The following SCARF1 variants were observed in gnomAD, a reference collection of about 807,000 sequenced individuals.
SCARF1 encodes acetyl LDL receptor.
Under a neutral mutation model 76.3 loss-of-function variants are expected in SCARF1, and 49 were observed. The ratio of observed to expected loss-of-function variants is 0.64; its 90% CI spans 0.51 to 0.81. SCARF1 has a LOEUF of 0.81. Ranked by LOEUF, SCARF1 falls within the 40% of genes least tolerant of loss-of-function variation. SCARF1 has a pLI of 0.00. For synonymous variants in SCARF1, 495 were observed against 474.6 expected (o/e 1.04, Z -0.56); for missense variants, 1,098 against 1,143.9 (o/e 0.96, Z 0.58).
chr17:1,635,420 T>C lies in SCARF1; in HGVS notation c.1831A>G (p.Ser611Gly). 4.3e-6 allele frequency: 7 copies of C among 1,613,968 alleles called. No homozygotes were observed. Among genetic ancestry groups the C allele is most frequent in the Non-Finnish European group, 5.9e-6 (7 of 1,179,936 alleles). Residue 611 changes from serine to glycine, a missense_variant, in exon 11 of 11, where the codon AGC (serine) becomes GGC (glycine). Ser to Gly is a moderately conservative substitution (Grantham distance 56, BLOSUM62 0). Coordinates refer to ENST00000263071, the MANE Select transcript of SCARF1 (RefSeq NM_003693.4). Reference sequence around the variant, plus strand: ...AGCCTCTTGGGCTTTCGGAGCGGGCTGGAGAGCTCCCCTGAGCTTCGGCGA... The same window carrying C: ...AGCCTCTTGGGCTTTCGGAGCGGGCCGGAGAGCTCCCCTGAGCTTCGGCGA... ...QSRRSSGELS[S>G]PLRKPKRLSR...
rs1910341482 is a variant in SCARF1, at chr17:1,644,320, G to A, written c.266-353C>T. On this transcript the variant is annotated intron_variant, in intron 3 of 10. Coordinates refer to ENST00000263071, the MANE Select transcript of SCARF1 (RefSeq NM_003693.4). The surrounding 1 kb of genome is among the most constrained non-coding windows in gnomAD (Gnocchi z 4.8). ...GATGGATCTCTGCTGGGCTGGAGGA[G>A]AGCTGGCTTTCTCCTGATCTCAGGC... 1 of 297,070 alleles carries A rather than the reference G, an allele frequency of 3.4e-6. No individual in the cohort carries two copies. Among genetic ancestry groups the A allele is most frequent in the Non-Finnish European group, 6.2e-6 (1 of 160,580 alleles). The allele number at this position is 297,070 out of a possible 1,614,324, so 18.4% of individuals were successfully genotyped here.
rs1405829937 is a variant in SCARF1, at chr17:1,635,592, C to A, written c.1659G>T (p.Gly553=). Residue 553 remains glycine (G), a synonymous_variant, in exon 11 of 11, where the codon GGG becomes GGT. Transcript: ENST00000263071. ...QEGMVPVAQA[G]SSEASLAAGA... ...CTGCAGCCAGGCTGGCCTCTGACGACCCTGCCTGGGCCACAGGGACCATCC... is the reference window on the plus strand; with the variant it reads ...CTGCAGCCAGGCTGGCCTCTGACGAACCTGCCTGGGCCACAGGGACCATCC... 1 of 1,604,104 alleles carries A rather than the reference C, an allele frequency of 6.2e-7. No homozygotes were observed. The highest frequency in any genetic ancestry group is 8.5e-7 in the Non-Finnish European group (1 of 1,179,774).
At position 1,633,975 on chromosome 17, in the gene SCARF1, T is replaced by C. The variant is rs1478658944; in HGVS notation, c.*783A>G. 5.3e-5 allele frequency: 8 copies of C among 152,204 alleles called. No homozygotes were observed. Among genetic ancestry groups the C allele is most frequent in the African/African-American group, 1.9e-4 (8 of 41,444 alleles). The allele number at this position is 152,204 out of a possible 1,614,324, so 9.4% of individuals were successfully genotyped here. On this transcript the variant is annotated 3_prime_UTR_variant, in exon 11 of 11. Coordinates refer to ENST00000263071, the MANE Select transcript of SCARF1 (RefSeq NM_003693.4). ...AAAAAGAATGTTCACTGTAGAAAATTTGCAAACTATACAAAAGTTTCAGAA... is the reference window on the plus strand; with the variant it reads ...AAAAAGAATGTTCACTGTAGAAAATCTGCAAACTATACAAAAGTTTCAGAA...
At chr17:1,639,787 G>A in intron 6 of SCARF1, 45 bp from the exon 7 acceptor site, 2 of 1,605,444 alleles carry the variant, frequency 1.2e-6, no homozygotes, top group South Asian at 2.2e-5. Flanking sequence ...GGGTGAAGTG[G>A]GGGAGGCAGG....
chr17:1,640,337 TG>T lies in SCARF1; in HGVS notation c.1010+110del. ...CAGTCTTCAACAGGAGGGAGGCCCC[TG>T]GGGCCGCATGAACCTGTGTGTCGGG... On this transcript the variant is annotated intron_variant, in intron 5 of 10. Transcript: ENST00000263071. The surrounding 1 kb of genome is among the most constrained non-coding windows in gnomAD (Gnocchi z 4.7). 9.4e-7 allele frequency: 1 copy of T among 1,061,168 alleles called. No homozygotes were observed. The highest frequency in any genetic ancestry group is 1.4e-6 in the Non-Finnish European group (1 of 734,036). 65.7% of individuals were successfully genotyped at this position (1,061,168 alleles called of 1,614,324 possible).
At position 1,636,360 on chromosome 17, in the gene SCARF1, C is replaced by T. The variant is rs867194024; in HGVS notation, c.1633+349G>A. On this transcript the variant is annotated intron_variant, in intron 10 of 10. Coordinates refer to ENST00000263071, the MANE Select transcript of SCARF1 (RefSeq NM_003693.4). ...CCTTAATAACTGTTTGCTGGCCAGGCGCAGTGGCTCATGCCTGTAATCCCA... is the reference window on the plus strand; with the variant it reads ...CCTTAATAACTGTTTGCTGGCCAGGTGCAGTGGCTCATGCCTGTAATCCCA... 4.5e-4 allele frequency among the ~76,000 whole-genome samples: 68 copies of T among 152,310 alleles called. 1 individual carries two copies. Among genetic ancestry groups the T allele is most frequent in the Middle Eastern group, 3.4e-3 (1 of 294 alleles).
rs757502682 is a variant in SCARF1, at chr17:1,634,944, C to T, written c.2307G>A (p.Met769Ile). The T allele has an allele frequency of 1.2e-6, 2 of 1,613,492 alleles. No homozygotes were observed. Among genetic ancestry groups the T allele is most frequent in the Non-Finnish European group, 8.5e-7 (1 of 1,179,718 alleles). Reference sequence around the variant, plus strand: ...GGACCGCTTCCTCTGGTCTGACTGCCATAGGCCCTGTGGCCCCAGGAAGCC... The same window carrying T: ...GGACCGCTTCCTCTGGTCTGACTGCTATAGGCCCTGTGGCCCCAGGAAGCC... ...KAGLPGATGP[M>I]AVRPEEAVRG... The change falls in exon 11 of 11, where the codon ATG becomes ATA. Residue 769 changes from methionine (M) to isoleucine (I), a missense_variant. By Grantham distance (10) the Met-to-Ile change is conservative (BLOSUM62 1). Transcript: ENST00000263071.
At position 1,640,173 on chromosome 17, in the gene SCARF1, G is replaced by A; in HGVS notation, c.1011-133C>T. The stretch of plus-strand genomic sequence containing the variant: ...CACTCCTCAGCAGTGAAGCTCAGGT[G>A]CAAATAGGGCCTTGAACTTGGGGCC... On this transcript the variant is annotated intron_variant, in intron 5 of 10. Transcript: ENST00000263071. The surrounding 1 kb of genome is among the most constrained non-coding windows in gnomAD (Gnocchi z 4.7). 9.2e-7 allele frequency: 1 copy of A among 1,086,886 alleles called. No individual in the cohort carries two copies. The highest frequency in any genetic ancestry group is 1.3e-6 in the Non-Finnish European group (1 of 768,298). The allele number at this position is 1,086,886 out of a possible 1,614,324, so 67.3% of individuals were successfully genotyped here.
intron 8 of SCARF1, chr17:1,638,440 G>A (rs1909756206): frequency 5.9e-6 from 1 of 170,430 alleles, no homozygotes; most frequent in Non-Finnish European, 1.2e-5. Context: ...CCCCGCCGGT[G>A]TCAGCTTTCT....
At chr17:1,639,012 G>C (rs1909823170) in intron 7 of SCARF1, 86 bp from the exon 8 acceptor site, 3 of 1,378,268 alleles carry the variant, frequency 2.2e-6, no homozygotes, top group Admixed American at 2.2e-5. Flanking sequence ...CTACCCAGAA[G>C]CTTCTTCCTG....
rs1317446669 is a variant in SCARF1 at position 1,645,452 on chromosome 17, C to A, written c.101+145G>T. On this transcript the variant is annotated intron_variant, in intron 1 of 10. Coordinates refer to ENST00000263071, the MANE Select transcript of SCARF1 (RefSeq NM_003693.4). This position sits in a 1 kb window ranked among gnomAD's most constrained non-coding sequence, Gnocchi z 6.3. Reference sequence around the variant, plus strand: ...GGCTGGCCACTACCTGCCAGACCGCCATCAGCAGTCCCTTCCTTTCAGCCT... The same window carrying A: ...GGCTGGCCACTACCTGCCAGACCGCAATCAGCAGTCCCTTCCTTTCAGCCT... 1 of 1,514,486 alleles carries A rather than the reference C, an allele frequency of 6.6e-7. No individual in the cohort carries two copies. Among genetic ancestry groups the A allele is most frequent in the East Asian group, 2.5e-5 (1 of 40,778 alleles). The allele number at this position is 1,514,486 out of a possible 1,614,324, so 93.8% of individuals were successfully genotyped here.
Position 1,643,793 on chromosome 17 carries a change from A to G in SCARF1, c.440T>C (p.Val147Ala). Residue 147 changes from valine to alanine, a missense_variant, in exon 4 of 11, where the codon GTG becomes GCG. Coordinates refer to ENST00000263071, the MANE Select transcript of SCARF1 (RefSeq NM_003693.4). The part of the protein sequence containing the change: ...PHGRCDPATG[V>A]CHCEPGWWSS... ...CCACCAGCCGGGTTCGCAGTGGCAC[A>G]CGCCGGTCGCGGGGTCGCAGCGCCC... 7.9e-7 allele frequency: 1 copy of G among 1,268,264 alleles called. No individual in the cohort carries two copies. Among genetic ancestry groups the G allele is most frequent in the East Asian group, 3.2e-5 (1 of 31,388 alleles). 78.6% of individuals were successfully genotyped at this position (1,268,264 alleles called of 1,614,324 possible).
At chr17:1,637,146 T>G in intron 8 of SCARF1, 84 bp from the exon 9 acceptor site, 1 of 1,476,104 alleles carries the variant, frequency 6.8e-7, no homozygotes, top group South Asian at 1.2e-5. Context: ...ACAGGGTGAC[T>G]GCCTCTACTT....
chr17:1,645,620 C>T lies in SCARF1; in HGVS notation c.78G>A (p.Gly26=). The part of the protein sequence containing the change: ...GTQGSELDPK[G]QHVCVASSPS... ...ACCTGCTGGCCACACAGACGTGCTG[C>T]CCTTTGGGGTCCAGCTCGGACCCCT... The change falls in exon 1 of 11, where the codon GGG becomes GGA. Residue 26 remains glycine (G), a synonymous_variant. Transcript: ENST00000263071. This position sits in a 1 kb window ranked among gnomAD's most constrained non-coding sequence, Gnocchi z 6.3. 2 of 1,608,406 alleles carry T rather than the reference C, an allele frequency of 1.2e-6. No homozygotes were observed. Among genetic ancestry groups the T allele is most frequent in the African/African-American group, 1.3e-5 (1 of 74,938 alleles).
In SCARF1 at chr17:1,645,120, T is replaced by C. The variant is rs1910425023; in HGVS notation, c.163+58A>G. On this transcript the variant is annotated intron_variant, in intron 2 of 10. Transcript: ENST00000263071. The surrounding 1 kb of genome is among the most constrained non-coding windows in gnomAD (Gnocchi z 6.3). The stretch of plus-strand genomic sequence containing the variant: ...GGCCCCATGGGGTAGGAAGGAAGGG[T>C]TGTCACTGGGCTACGGCCTCCCTTC... The C allele has an allele frequency of 6.2e-7, 1 of 1,604,468 alleles. No individual in the cohort carries two copies. Among genetic ancestry groups the C allele is most frequent in the African/African-American group, 1.3e-5 (1 of 74,674 alleles).
chr17:1,643,576 G>A lies in SCARF1; in HGVS notation c.657C>T (p.Cys219=), dbSNP rs1418138582. The A allele has an allele frequency of 1.4e-6, 2 of 1,475,548 alleles. No individual in the cohort carries two copies. Among genetic ancestry groups the A allele is most frequent in the Non-Finnish European group, 8.9e-7 (1 of 1,121,048 alleles). The allele number at this position is 1,475,548 out of a possible 1,614,324, so 91.4% of individuals were successfully genotyped here. A position where few individuals can be genotyped will look rare whatever the true frequency, so the allele number is the denominator to read the frequency against. The change falls in exon 4 of 11, where the codon TGC becomes TGT. Residue 219 remains cysteine, a synonymous_variant. Coordinates refer to ENST00000263071, the MANE Select transcript of SCARF1 (RefSeq NM_003693.4). ...ACRPGWWGPE[C]QQQCECVRGR... Reference sequence around the variant, plus strand: ...CCCGCACACACTCGCACTGCTGCTGGCATTCGGGACCCCACCAGCCCGGCC... The same window carrying A: ...CCCGCACACACTCGCACTGCTGCTGACATTCGGGACCCCACCAGCCCGGCC...
In SCARF1 at chr17:1,635,264, G is replaced by GA; in HGVS notation, c.1986_1987insT (p.Pro663SerfsTer10). The GA allele has an allele frequency of 6.2e-7, 1 of 1,611,498 alleles. No homozygotes were observed. Among genetic ancestry groups the GA allele is most frequent in the Non-Finnish European group, 8.5e-7 (1 of 1,178,860 alleles). ...GCCACTGTCCGGCCACCAAGTGGGG[G>GA]CCGCCGGTGGCCAGTGGCTGAATCC... On this transcript the variant is annotated frameshift_variant, in exon 11 of 11. Transcript: ENST00000263071. LOFTEE classifies it low-confidence loss of function (END_TRUNC).
Position 1,645,274 on chromosome 17 carries a change from G to C in SCARF1, c.102-35C>G, listed in dbSNP as rs779875008. The C allele has an allele frequency of 1.9e-5, 30 of 1,609,450 alleles. No homozygotes were observed. The highest frequency in any genetic ancestry group is 1.4e-4 in the South Asian group (13 of 90,862). On this transcript the variant is annotated intron_variant, in intron 1 of 10. Transcript: ENST00000263071. This position sits in a 1 kb window ranked among gnomAD's most constrained non-coding sequence, Gnocchi z 6.3. ...AAAAAGGGGTCAGCCGGACATGGTG[G>C]GGGGTGCAGCCTGGCCCTGAGGAAG...
At position 1,645,484 on chromosome 17, in the gene SCARF1, C is replaced by T; in HGVS notation, c.101+113G>A. 5.9e-6 allele frequency: 9 copies of T among 1,530,492 alleles called. No individual in the cohort carries two copies. The highest frequency in any genetic ancestry group is 1.8e-4 in the Middle Eastern group (1 of 5,622). 94.8% of individuals were successfully genotyped at this position (1,530,492 alleles called of 1,614,324 possible). On this transcript the variant is annotated intron_variant, in intron 1 of 10. Coordinates refer to ENST00000263071, the MANE Select transcript of SCARF1 (RefSeq NM_003693.4). The surrounding 1 kb of genome is among the most constrained non-coding windows in gnomAD (Gnocchi z 6.3). The stretch of plus-strand genomic sequence containing the variant: ...AGTCCCTTCCTTTCAGCCTAAGCCC[C>T]CTTCCTAGTCTCCTCCTTCCCCTAA...
Sources: gnomAD v4.1 joint callset for allele counts (sites outside exome capture counted in the v4.1 genomes callset) on GRCh38, gnomAD v4.1.1 for gene constraint, Gnocchi (gnomAD v3.1) non-coding constraint, MANE v1.5 for transcripts, NCBI Gene and HGNC (gene_info 2026-07-23, HGNC 2026-07-21) for gene names.